NDRG1: variants seen among roughly 807,000 people sequenced by gnomAD.
The protein encoded by NDRG1 is N-myc downstream regulated 1.
In NDRG1, 32 loss-of-function variants were observed where a neutral mutation model predicts 56.9. That is an observed-to-expected ratio of 0.56 (90% CI 0.42 to 0.76). NDRG1 has a LOEUF of 0.76. Among genes scored for constraint, NDRG1 ranks in the 30% least tolerant of loss-of-function variants. The pLI, the probability that NDRG1 is intolerant of heterozygous loss-of-function variation, is 0.00. For synonymous variants in NDRG1, 211 were observed against 204.1 expected (o/e 1.03, Z -0.29); for missense variants, 507 against 545.7 (o/e 0.93, Z 0.71).
rs184914527 is a variant in NDRG1 at position 133,246,551 on chromosome 8, T to C, written c.855+65A>G. 2.6e-6 allele frequency: 4 copies of C among 1,529,178 alleles called. No individual in the cohort carries two copies. In the East Asian group the frequency reaches 6.7e-5, roughly 26 times the overall value. The allele number at this position is 1,529,178 out of a possible 1,614,324, so 94.7% of individuals were successfully genotyped here. ...TGCCTTTTTCAAGCCTAACTCAATG[T>C]TGCAGAAAACGTCTGAGAGTTTCTA... is the stretch of plus-strand genomic sequence containing the variant. On this transcript the variant is annotated intron_variant, in intron 13 of 15. Coordinates refer to ENST00000323851, the MANE Select transcript of NDRG1 (RefSeq NM_006096.4).
intron 15 of NDRG1, 150 bp downstream of exon 15, chr8:133,241,873 A>C (rs1446745490): frequency 1.2e-6 from 1 of 841,874 alleles, no homozygotes; most frequent in Non-Finnish European, 2.0e-6. Flanking sequence ...AGGCTGCCAC[A>C]TGCCCTCCAC....
At chr8:133,242,923 G>A (rs1367892843) in intron 14 of NDRG1, among the ~76,000 whole-genome samples, 5 of 152,208 alleles carry the variant, frequency 3.3e-5, no homozygotes, top group Non-Finnish European at 7.3e-5. Flanking sequence ...AACTAACTGG[G>A]CTACTTTAAG....
intron 9 of NDRG1, 149 bp downstream of exon 9, chr8:133,254,390 A>G: frequency 1.5e-6 from 1 of 688,468 alleles, no homozygotes; most frequent in Non-Finnish European, 2.5e-6. Context: ...TTATGAATGA[A>G]TAATGTCACA....
rs544600202 is a variant in NDRG1 at position 133,246,732 on chromosome 8, C to T, written c.808-69G>A. The T allele has an allele frequency of 3.7e-5, 51 of 1,370,188 alleles. 1 individual carries two copies. Among genetic ancestry groups the T allele is most frequent in the East Asian group, 2.3e-4 (10 of 43,742 alleles). The allele number at this position is 1,370,188 out of a possible 1,614,324, so 84.9% of individuals were successfully genotyped here. A position where few individuals can be genotyped will look rare whatever the true frequency, so the allele number is the denominator to read the frequency against. On this transcript the variant is annotated intron_variant, in intron 12 of 15. Coordinates refer to ENST00000323851, the MANE Select transcript of NDRG1 (RefSeq NM_006096.4). ...AAAGCCAAAACATCTCCCCCTTCTCCGCCACTCTGCCACCGTCACCAGAAA... is the reference window on the plus strand; with the variant it reads ...AAAGCCAAAACATCTCCCCCTTCTCTGCCACTCTGCCACCGTCACCAGAAA...
In NDRG1 at chr8:133,284,168, C is replaced by T. The variant is rs765293869; in HGVS notation, c.63+81G>A. ...TGCAGTGTTTGCATGCCCATAAGTA[C>T]AAGTGTGAGCTCCGGTGTGCCTGTG... is the stretch of plus-strand genomic sequence containing the variant. On this transcript the variant is annotated intron_variant, in intron 2 of 15. Transcript: ENST00000323851. 9 of 1,332,682 alleles carry T rather than the reference C, an allele frequency of 6.8e-6. No individual in the cohort carries two copies. The Admixed American group carries it at 8.5e-5, about 13-fold the overall frequency. The allele number at this position is 1,332,682 out of a possible 1,614,324, so 82.6% of individuals were successfully genotyped here.
chr8:133,259,312 G>C (rs879032049), intron 5 of NDRG1, 82 bp from the exon 6 acceptor site: 1 of 1,424,558 alleles, frequency 7.0e-7, no homozygotes, highest in East Asian at 2.3e-5. Flanking sequence ...GAAGGGTGGG[G>C]ACCATGCAGC....
At position 133,238,971 on chromosome 8, in the gene NDRG1, C is replaced by T. The variant is rs578199680; in HGVS notation, c.1092G>A (p.Ser364=). ...SHTSEGTRSR[S]HTSEGAHLDI... is the part of the protein sequence containing the mutation. ...CCAGGTGGGCCCCCTCGCTGGTGTG[C>T]GAGCGGCTGCGGGTGCCCTCGCTGG... is the stretch of plus-strand genomic sequence containing the variant. The change falls in exon 16 of 16, where the codon TCG becomes TCA. Residue 364 remains serine, a synonymous_variant. Transcript: ENST00000323851. 3.7e-5 allele frequency: 59 copies of T among 1,587,158 alleles called. No homozygotes were observed. The Admixed American group carries it at 4.2e-4, about 11-fold the overall frequency.
chr8:133,297,079 C>A (rs1563648473), intron 1 of NDRG1, 55 bp downstream of exon 1: 1 of 153,044 alleles, frequency 6.5e-6, no homozygotes, highest in Non-Finnish European at 1.5e-5. Context: ...CGGCACCGCA[C>A]GGGCGGCCCC....
intron 9 of NDRG1, among the ~76,000 whole-genome samples, chr8:133,254,098 C>G (rs988966926): frequency 6.6e-6 from 1 of 151,470 alleles, no homozygotes; most frequent in African/African-American, 2.4e-5. Context: ...AAAAAGAGTA[C>G]CTACTATATA....
intron 11 of NDRG1, 117 bp from the exon 12 acceptor site, chr8:133,248,043 A>G: frequency 2.1e-6 from 2 of 962,432 alleles, no homozygotes; most frequent in Middle Eastern, 3.1e-4. Context: ...GGTTTCCCCA[A>G]CACCCTTTGC....
At chr8:133,260,051 TGC>T (rs1343120106) in intron 5 of NDRG1, among the ~76,000 whole-genome samples, 1 of 152,064 alleles carries the variant, frequency 6.6e-6, no homozygotes, top group Non-Finnish European at 1.5e-5. Context: ...AGGGCAGAAG[TGC>T]GGCAAAGACA....
At chr8:133,258,261 G>A (rs1162974380) in intron 7 of NDRG1, 105 bp downstream of exon 7, 1 of 1,136,782 alleles carries the variant, frequency 8.8e-7, no homozygotes, top group Non-Finnish European at 1.3e-6. Flanking sequence ...GGAGAATACG[G>A]GTCATTTCTT....
At chr8:133,293,990 T>TGAC (rs1439254080) in intron 1 of NDRG1, among the ~76,000 whole-genome samples, 3 of 152,216 alleles carry the variant, frequency 2.0e-5, no homozygotes, top group African/African-American at 7.2e-5. Flanking sequence ...CGGGTGCTAC[T>TGAC]GACGGCAAAC....
In NDRG1 at chr8:133,297,147, GA is replaced by G. The variant is rs974219730; in HGVS notation, c.-33del. 5 of 152,384 alleles carry G rather than the reference GA, an allele frequency of 3.3e-5. No individual in the cohort carries two copies. The highest frequency in any genetic ancestry group is 1.3e-4 in the Admixed American group (2 of 15,296). 9.4% of individuals were successfully genotyped at this position (152,384 alleles called of 1,614,324 possible). A position where few individuals can be genotyped will look rare whatever the true frequency, so the allele number is the denominator to read the frequency against. On this transcript the variant is annotated 5_prime_UTR_variant, in exon 1 of 16. Coordinates refer to ENST00000323851, the MANE Select transcript of NDRG1 (RefSeq NM_006096.4). ...GCGCGGGCTTACCTAACGCGAGGGA[GA>G]AAGGAAAGGACGGTGCCGAGGCTGG...
At chr8:133,282,359 C>T (rs1173710916) in intron 2 of NDRG1, among the ~76,000 whole-genome samples, 1 of 152,168 alleles carries the variant, frequency 6.6e-6, no homozygotes, top group Non-Finnish European at 1.5e-5. Context: ...CACATGTGTT[C>T]ATATACTGGG....
At chr8:133,258,258 A>G in intron 7 of NDRG1, 108 bp downstream of exon 7, 1 of 1,107,916 alleles carries the variant, frequency 9.0e-7, no homozygotes, top group Non-Finnish European at 1.3e-6. Context: ...TGTGGAGAAT[A>G]CGGGTCATTT....
Position 133,245,519 on chromosome 8 carries a change from G to A in NDRG1, c.855+1097C>T, listed in dbSNP as rs535602894. Among the ~76,000 whole-genome samples the A allele has an allele frequency of 2.0e-5, 3 of 152,244 alleles. 1 individual carries two copies. The South Asian group carries it at 6.2e-4, about 32-fold the overall frequency. On this transcript the variant is annotated intron_variant, in intron 13 of 15. Coordinates refer to ENST00000323851, the MANE Select transcript of NDRG1 (RefSeq NM_006096.4). ...CATAGACGCAGAGATACAATCGGGA[G>A]AGTGCTGAGTGAGGATGGAGGCAGA...
At chr8:133,247,968 T>G in intron 11 of NDRG1, 42 bp from the exon 12 acceptor site, 1 of 1,604,154 alleles carries the variant, frequency 6.2e-7, no homozygotes, top group Non-Finnish European at 8.5e-7. Context: ...CAAGGTTCCT[T>G]TAAAGATTGT....
intron 14 of NDRG1, among the ~76,000 whole-genome samples, chr8:133,243,806 T>G (rs1043717974): frequency 1.3e-5 from 2 of 152,148 alleles, no homozygotes; most frequent in African/African-American, 4.8e-5. Flanking sequence ...AAAGTTTACT[T>G]GTTAGGTTGG....
Sources: gnomAD v4.1 joint callset for allele counts (sites outside exome capture counted in the v4.1 genomes callset) on GRCh38, gnomAD v4.1.1 for gene constraint, MANE v1.5 for transcripts, NCBI Gene and HGNC (gene_info 2026-07-23, HGNC 2026-07-21) for gene names.